CLEC16A: variants seen among roughly 807,000 people sequenced by gnomAD.
CLEC16A encodes protein CLEC16A.
Under a neutral mutation model 109.5 loss-of-function variants are expected in CLEC16A, and 51 were observed. The observed-to-expected ratio is 0.47, with a 90% CI of 0.37 to 0.59. The LOEUF (loss-of-function observed/expected upper bound fraction) is 0.59, where lower values mean the gene tolerates loss of function less well. Ranked by LOEUF, CLEC16A falls within the 20% of genes least tolerant of loss-of-function variation. CLEC16A has a pLI of 0.00. For missense variants in CLEC16A, 1,339 were observed against 1,394.0 expected (o/e 0.96, Z 0.63); for synonymous variants, 673 against 564.2 (o/e 1.19, Z -2.73).
Position 11,092,399 on chromosome 16 carries a change from CACAT to C in CLEC16A, c.2117-28215_2117-28212del, listed in dbSNP as rs1466108920. On this transcript the variant is annotated intron_variant, in intron 19 of 23. Transcript: ENST00000409790. ...ACACACACACACACACACACACACA[CACAT>C]GCCAGGTGTGGTGGTGGGAGCCTGT... 7.4e-4 allele frequency among the ~76,000 whole-genome samples: 110 copies of C among 148,646 alleles called. 3 individuals carry two copies. Among genetic ancestry groups the C allele is most frequent in the Admixed American group, 5.3e-3 (80 of 15,092 alleles).
intron 17 of CLEC16A, among the ~76,000 whole-genome samples, chr16:11,051,179 C>T (rs1326340298): frequency 2.6e-5 from 4 of 152,202 alleles, no homozygotes; most frequent in African/African-American, 9.6e-5. Context: ...AGGGATAAAG[C>T]ATACCTGGCC....
chr16:10,956,940 G>A lies in CLEC16A; in HGVS notation c.81-842G>A, dbSNP rs1224036562. 2.0e-5 allele frequency among the ~76,000 whole-genome samples: 3 copies of A among 152,092 alleles called. No individual in the cohort carries two copies. The East Asian group carries it at 5.8e-4, about 29-fold the overall frequency. ...AGCTTCCAGAGTAGCTGGGATTACA[G>A]ACTTCGCCACCACACCCAGCTAATG... On this transcript the variant is annotated intron_variant, in intron 1 of 23. Transcript: ENST00000409790.
intron 4 of CLEC16A, among the ~76,000 whole-genome samples, 169 bp from the exon 5 acceptor site, chr16:10,970,946 CCTGTCCCTTT>C (rs60725467): frequency 0.18 from 27,512 of 151,700 alleles, 2,719 homozygotes; most frequent in South Asian, 0.29. Context: ...GCTTTGCCTT[CCTGTCCCTTT>C]CTACATGCCC....
chr16:11,068,655 C>G (rs1012961636), intron 19 of CLEC16A, among the ~76,000 whole-genome samples: 35 of 152,222 alleles, frequency 2.3e-4, no homozygotes, highest in African/African-American at 8.0e-4. Flanking sequence ...ACAGGCTCAT[C>G]CCTGACTCCC....
chr16:11,088,090 G>C (rs533142234), intron 19 of CLEC16A, among the ~76,000 whole-genome samples: 1 of 152,334 alleles, frequency 6.6e-6, no homozygotes, highest in Non-Finnish European at 1.5e-5. Flanking sequence ...TCTCTGTCTC[G>C]AAAGGGGCCT....
chr16:10,968,273 G>A (rs1202976392), intron 3 of CLEC16A, among the ~76,000 whole-genome samples: 7 of 152,316 alleles, frequency 4.6e-5, no homozygotes, highest in Admixed American at 1.3e-4. Flanking sequence ...TGTTTTTGCC[G>A]GCCAGCACAG....
intron 13 of CLEC16A, among the ~76,000 whole-genome samples, chr16:11,037,560 C>A (rs963272194): frequency 6.6e-6 from 1 of 152,076 alleles, no homozygotes; most frequent in Non-Finnish European, 1.5e-5. Context: ...TCTAAGGAGA[C>A]GGAGGGGCAA....
At chr16:10,963,376 C>T (rs2042347883) in intron 3 of CLEC16A, among the ~76,000 whole-genome samples, 1 of 152,178 alleles carries the variant, frequency 6.6e-6, no homozygotes, top group South Asian at 2.1e-4. Context: ...AGTTCAGTCC[C>T]TAAGCCTGTG....
chr16:11,178,175 TC>T lies in CLEC16A; in HGVS notation c.2807-156del, dbSNP rs1244494936. Among the ~76,000 whole-genome samples the T allele has an allele frequency of 1.3e-5, 2 of 152,256 alleles. No homozygotes were observed. Among genetic ancestry groups the T allele is most frequent in the East Asian group, 3.9e-4 (2 of 5,180 alleles). On this transcript the variant is annotated intron_variant, in intron 23 of 23. Coordinates refer to ENST00000409790, the MANE Select transcript of CLEC16A (RefSeq NM_015226.3). This position sits in a 1 kb window ranked among gnomAD's most constrained non-coding sequence, Gnocchi z 6.5. Reference sequence around the variant, plus strand: ...CAGACTGGATTTTGCAGGTTCTGTGTCCCCAAAAGGAGTGAGTGGAGCCACG... The same window carrying T: ...CAGACTGGATTTTGCAGGTTCTGTGTCCCAAAAGGAGTGAGTGGAGCCACG...
chr16:10,953,262 G>A (rs1472661595), intron 1 of CLEC16A, among the ~76,000 whole-genome samples: 1 of 152,232 alleles, frequency 6.6e-6, no homozygotes, highest in Admixed American at 6.5e-5. Context: ...GGTGGCGCTG[G>A]AGTGCAGTAG....
intron 9 of CLEC16A, among the ~76,000 whole-genome samples, chr16:10,980,286 A>G (rs956148349): frequency 6.6e-6 from 1 of 152,148 alleles, no homozygotes; most frequent in Admixed American, 6.5e-5. Context: ...CCAGAGTCCT[A>G]TTCTGGGGCT....
chr16:11,116,771 C>G (rs2052024258), intron 19 of CLEC16A, among the ~76,000 whole-genome samples: 1 of 152,206 alleles, frequency 6.6e-6, no homozygotes, highest in Admixed American at 6.5e-5. Context: ...TGTTACCCTT[C>G]TCCTCCCCTA....
At chr16:11,098,828 C>G (rs1412333932) in intron 19 of CLEC16A, among the ~76,000 whole-genome samples, 6 of 152,250 alleles carry the variant, frequency 3.9e-5, no homozygotes, top group Non-Finnish European at 8.8e-5. Context: ...CACCCCTCCA[C>G]TGGGCCCAGT....
intron 3 of CLEC16A, 111 bp from the exon 4 acceptor site, chr16:10,969,050 G>A: frequency 3.6e-6 from 3 of 840,550 alleles, no homozygotes; most frequent in South Asian, 1.8e-5. Flanking sequence ...TTTAATCCCA[G>A]CAACCCAGAG....
intron 19 of CLEC16A, among the ~76,000 whole-genome samples, chr16:11,103,168 A>G (rs1433220074): frequency 2.0e-5 from 3 of 152,212 alleles, no homozygotes; most frequent in Admixed American, 6.5e-5. Flanking sequence ...CTGGGCCCAC[A>G]AGGGTCAGAT....
intron 22 of CLEC16A, among the ~76,000 whole-genome samples, chr16:11,131,293 A>G (rs1432051291): frequency 6.6e-6 from 1 of 152,238 alleles, no homozygotes; most frequent in Non-Finnish European, 1.5e-5. Flanking sequence ...AGAATCTGTC[A>G]TGATGGGCAG....
At chr16:11,152,531 T>C (rs1334531938) in intron 22 of CLEC16A, among the ~76,000 whole-genome samples, 1 of 152,240 alleles carries the variant, frequency 6.6e-6, no homozygotes, top group Admixed American at 6.5e-5. Context: ...ATCTGGTGGG[T>C]TGCACCTGTC....
chr16:10,994,525 T>C (rs1236946064), intron 10 of CLEC16A, among the ~76,000 whole-genome samples: 2 of 152,148 alleles, frequency 1.3e-5, no homozygotes, highest in African/African-American at 2.4e-5. Flanking sequence ...TGTGACCTCC[T>C]GTGACTTTTT....
intron 11 of CLEC16A, among the ~76,000 whole-genome samples, chr16:11,005,714 T>C (rs2044961040): frequency 6.6e-6 from 1 of 152,216 alleles, no homozygotes. Flanking sequence ...AGACGGTATC[T>C]GTGTTTGGAT....
Sources: gnomAD v4.1 joint callset for allele counts (sites outside exome capture counted in the v4.1 genomes callset) on GRCh38, gnomAD v4.1.1 for gene constraint, Gnocchi (gnomAD v3.1) non-coding constraint, MANE v1.5 for transcripts, NCBI Gene and HGNC (gene_info 2026-07-23, HGNC 2026-07-21) for gene names.